SPC25: variants seen among roughly 807,000 people sequenced by gnomAD.
SPC25 encodes the protein SPC25 component of NDC80 kinetochore complex, also known as kinetochore protein Spc25.
A neutral mutation model predicts 29.6 loss-of-function variants in SPC25; 22 were observed. That is an observed-to-expected ratio of 0.74 (90% CI 0.53 to 1.06). SPC25 has a LOEUF of 1.06. Among genes scored for constraint, SPC25 ranks in the 50% least tolerant of loss-of-function variants. The probability of loss-of-function intolerance (pLI) is 0.00; values close to 1 mark genes in which losing one functional copy is unlikely to be tolerated. For missense variants in SPC25, 230 were observed against 255.8 expected, an observed-to-expected ratio of 0.90 and a Z score of 0.69; for synonymous variants, 91 against 90.4, an observed-to-expected ratio of 1.01 and a Z score of -0.04.
chr2:168,874,822 G>A (rs897669718), intron 5 of SPC25, among the ~76,000 whole-genome samples: 1 of 152,102 alleles, frequency 6.6e-6, no homozygotes, highest in African/African-American at 2.4e-5. Context: ...TACTGGGTTA[G>A]CACTCTTGAA....
intron 4 of SPC25, among the ~76,000 whole-genome samples, chr2:168,862,790 A>ATGTT (rs1689549224): frequency 6.6e-6 from 1 of 152,332 alleles, no homozygotes; most frequent in East Asian, 1.9e-4. Context: ...CCATGTTTGA[A>ATGTT]TGTTAGCGCT....
At chr2:168,864,788 T>C (rs1689750252) in intron 4 of SPC25, 2 of 1,608,100 alleles carry the variant, frequency 1.2e-6, no homozygotes, top group Non-Finnish European at 1.7e-6. Flanking sequence ...GGCTGAGGCA[T>C]GTGTTCACAT....
intron 1 of SPC25, 113 bp downstream of exon 1, chr2:168,890,205 A>C: frequency 2.0e-6 from 1 of 495,090 alleles, no homozygotes; most frequent in Non-Finnish European, 2.6e-6. Context: ...AACAGCAACA[A>C]GATGCGCATT....
Position 168,873,619 on chromosome 2 carries a change from A to G in SPC25, c.516T>C (p.Phe172=). The change falls in exon 6 of 7, where the codon TTT becomes TTC. Residue 172 remains phenylalanine, a synonymous_variant. Transcript: ENST00000282074. ...DPKNPESPFM[F]SLHLNEARDY... Reference sequence around the variant, plus strand: ...CCCTTGCTTCATTGAGATGTAAGGAAAACATAAATGGGCTCTCAGGATTCT... The same window carrying G: ...CCCTTGCTTCATTGAGATGTAAGGAGAACATAAATGGGCTCTCAGGATTCT... 1.2e-6 allele frequency: 2 copies of G among 1,611,726 alleles called. No homozygotes were observed. Among genetic ancestry groups the G allele is most frequent in the Non-Finnish European group, 1.7e-6 (2 of 1,178,338 alleles).
At chr2:168,871,633 G>A in intron 6 of SPC25, 78 bp from the exon 7 acceptor site, 1 of 1,320,250 alleles carries the variant, frequency 7.6e-7, no homozygotes, top group Non-Finnish European at 1.0e-6. Flanking sequence ...TAATCTAGAT[G>A]CTCTCATCTG....
At chr2:168,885,909 A>C (rs2105836251) in intron 3 of SPC25, among the ~76,000 whole-genome samples, 1 of 152,304 alleles carries the variant, frequency 6.6e-6, no homozygotes, top group South Asian at 2.1e-4. Context: ...ATATGCAAAG[A>C]GCTTAGAACA....
chr2:168,871,537 T>G lies in SPC25; in HGVS notation c.569A>C (p.His190Pro), dbSNP rs1175976114. ...RDYEVSDSAP[H>P]LEGLAEFQEN... ...TTGAAATTCTGCTAGGCCCTCAAGA[T>G]GAGGGGCACTATCTGACACTAGAAA... The change falls in exon 7 of 7, where the codon CAT becomes CCT. Residue 190 changes from histidine to proline, a missense_variant. Coordinates refer to ENST00000282074, the MANE Select transcript of SPC25 (RefSeq NM_020675.4). 1 of 1,581,804 alleles carries G rather than the reference T, an allele frequency of 6.3e-7. No individual in the cohort carries two copies. Among genetic ancestry groups the G allele is most frequent in the African/African-American group, 1.4e-5 (1 of 70,424 alleles).
intron 3 of SPC25, among the ~76,000 whole-genome samples, chr2:168,879,033 T>C (rs1175581109): frequency 6.6e-6 from 1 of 152,254 alleles, no homozygotes; most frequent in Non-Finnish European, 1.5e-5. Context: ...AAAAATATTT[T>C]ATTGCTAAAA....
chr2:168,870,232 T>G (rs199693018), downstream of SPC25, among the ~76,000 whole-genome samples: 7 of 141,786 alleles, frequency 4.9e-5, no homozygotes, highest in Non-Finnish European at 9.2e-5. Context: ...ACTTACATGT[T>G]AGACCTAAAA....
downstream of SPC25, among the ~76,000 whole-genome samples, chr2:168,868,454 G>A (rs1419366831): frequency 6.6e-6 from 1 of 152,106 alleles, no homozygotes; most frequent in East Asian, 1.9e-4. Flanking sequence ...TTGATAGACA[G>A]CTAGCAAGAC....
chr2:168,868,857 G>T (rs573493772), downstream of SPC25, among the ~76,000 whole-genome samples: 69 of 152,290 alleles, frequency 4.5e-4, 1 homozygote, highest in South Asian at 0.014. Context: ...CTCATTCTAT[G>T]AGGCCAGCAT....
intron 4 of SPC25, chr2:168,864,859 A>G (rs1220675679): frequency 1.9e-6 from 3 of 1,613,924 alleles, no homozygotes; most frequent in Non-Finnish European, 2.5e-6. Context: ...TACACGAGAA[A>G]AAAGAAGGAG....
intron 3 of SPC25, among the ~76,000 whole-genome samples, chr2:168,880,915 A>C (rs1690168095): frequency 6.6e-6 from 1 of 152,216 alleles, no homozygotes; most frequent in Non-Finnish European, 1.5e-5. Context: ...TAGTAACGTC[A>C]AAGATCACTG....
intron 3 of SPC25, among the ~76,000 whole-genome samples, chr2:168,878,774 C>T (rs549201921): frequency 2.0e-5 from 3 of 152,196 alleles, no homozygotes; most frequent in South Asian, 2.1e-4. Flanking sequence ...CTGCAATATT[C>T]GTTTTTGTTC....
chr2:168,871,534 A>C lies in SPC25; in HGVS notation c.572T>G (p.Leu191Arg). The C allele has an allele frequency of 6.3e-7, 1 of 1,592,558 alleles. No homozygotes were observed. The highest frequency in any genetic ancestry group is 1.2e-5 in the South Asian group (1 of 86,380). ...DYEVSDSAPHLEGLAEFQENV... is the reference protein window; with the variant it reads ...DYEVSDSAPHREGLAEFQENV... The stretch of plus-strand genomic sequence containing the variant: ...CTCTTGAAATTCTGCTAGGCCCTCA[A>C]GATGAGGGGCACTATCTGACACTAG... Residue 191 changes from leucine (L) to arginine (R), a missense_variant, in exon 7 of 7, where the codon CTT becomes CGT. Leu to Arg is a moderately radical substitution (Grantham distance 102, BLOSUM62 -2). Coordinates refer to ENST00000282074, the MANE Select transcript of SPC25 (RefSeq NM_020675.4).
chr2:168,878,562 A>T (rs1690126225), intron 3 of SPC25, among the ~76,000 whole-genome samples: 1 of 152,242 alleles, frequency 6.6e-6, no homozygotes, highest in African/African-American at 2.4e-5. Flanking sequence ...CAAGATATTT[A>T]GCTGGTAAAA....
intron 3 of SPC25, among the ~76,000 whole-genome samples, chr2:168,888,773 A>T (rs1324372570): frequency 2.0e-5 from 3 of 149,050 alleles, no homozygotes; most frequent in African/African-American, 7.4e-5. Flanking sequence ...GTATATATAT[A>T]TATTTTAATT....
chr2:168,869,166 C>T (rs1440557856), downstream of SPC25, among the ~76,000 whole-genome samples: 3 of 152,126 alleles, frequency 2.0e-5, no homozygotes, highest in Admixed American at 1.3e-4. Context: ...ACCCTTCATG[C>T]TAAAAACTCT....
Position 168,890,382 on chromosome 2 carries a change from A to G in SPC25, c.-79T>C. On this transcript the variant is annotated 5_prime_UTR_variant, in exon 1 of 7. Coordinates refer to ENST00000282074, the MANE Select transcript of SPC25 (RefSeq NM_020675.4). ...CAGATCCGCGCCCACTCTAGCCAAC[A>G]GCCGGACTCTAGGCTCAGCTCCCGC... The G allele has an allele frequency of 1.0e-6, 1 of 985,492 alleles. No homozygotes were observed. The highest frequency in any genetic ancestry group is 1.2e-6 in the Non-Finnish European group (1 of 829,980). The allele number at this position is 985,492 out of a possible 1,614,324, so 61.0% of individuals were successfully genotyped here. A position where few individuals can be genotyped will look rare whatever the true frequency, so the allele number is the denominator to read the frequency against.
Sources: gnomAD v4.1 joint callset for allele counts (sites outside exome capture counted in the v4.1 genomes callset) on GRCh38, gnomAD v4.1.1 for gene constraint, MANE v1.5 for transcripts, NCBI Gene and HGNC (gene_info 2026-07-23, HGNC 2026-07-21) for gene names.